Variants in ADAM33 observed in about 807,000 individuals in gnomAD.
ADAM33 encodes the protein ADAM metallopeptidase domain 33.
Under a neutral mutation model 106.2 loss-of-function variants are expected in ADAM33, and 103 were observed. That is an observed-to-expected ratio of 0.97 (90% CI 0.83 to 1.14). ADAM33 has a LOEUF of 1.14. Among genes scored for constraint, ADAM33 ranks in the 50% most tolerant of loss-of-function variants. The probability of loss-of-function intolerance (pLI) is 0.00; values close to 1 mark genes in which losing one functional copy is unlikely to be tolerated. For synonymous variants in ADAM33, 483 were observed against 453.0 expected, an observed-to-expected ratio of 1.07 and a Z score of -0.84; for missense variants, 1,120 against 1,096.6, an observed-to-expected ratio of 1.02 and a Z score of -0.30.
At chr20:3,676,690 C>T (rs1390653755) in intron 3 of ADAM33, among the ~76,000 whole-genome samples, 6 of 152,188 alleles carry the variant, frequency 3.9e-5, no homozygotes, top group African/African-American at 1.2e-4. Context: ...CCGCCCGCCT[C>T]GGCCTCCCAA....
chr20:3,681,972 G>C lies in ADAM33; in HGVS notation c.33C>G (p.Thr11=). The C allele has an allele frequency of 6.5e-7, 1 of 1,547,960 alleles. No individual in the cohort carries two copies. MGWRPRRARG[T]PLLLLLLLLL... ...GCAGTAGTAGCAGCAGCAGCAACGGGGTCCCCCGAGCTCTCCGGGGCCTCC... is the reference window on the plus strand; with the variant it reads ...GCAGTAGTAGCAGCAGCAGCAACGGCGTCCCCCGAGCTCTCCGGGGCCTCC... The change falls in exon 1 of 22, where the codon ACC becomes ACG. Residue 11 remains threonine, a synonymous_variant. Transcript: ENST00000356518.
In ADAM33 at chr20:3,671,007, C is replaced by A; in HGVS notation, c.2239G>T (p.Gly747Cys). 1 of 1,546,920 alleles carries A rather than the reference C, an allele frequency of 6.5e-7. No homozygotes were observed. Among genetic ancestry groups the A allele is most frequent in the South Asian group, 1.2e-5 (1 of 83,860 alleles). The change falls in exon 19 of 22, where the codon GGC (glycine) becomes TGC (cysteine). Residue 747 changes from glycine to cysteine, a missense_variant and splice_region_variant. Physicochemically the swap from Gly to Cys is radical, Grantham distance 159. Coordinates refer to ENST00000356518, the MANE Select transcript of ADAM33 (RefSeq NM_025220.5). ...AGGAAGCAGGCGCTCGGAGCCTACC[C>A]ACTGCACGCAGGGTCCCTTCTGCAG... ...WGCRRDPACSGPKDGPHRDHP... is the reference protein window; with the variant it reads ...WGCRRDPACSCPKDGPHRDHP...
At chr20:3,677,272 A>C in intron 2 of ADAM33, 129 bp from the exon 3 acceptor site, 1 of 684,398 alleles carries the variant, frequency 1.5e-6, no homozygotes, top group Non-Finnish European at 2.3e-6. Context: ...AGTCAGCAGG[A>C]CCCCCCACAT....
At chr20:3,677,588 G>C (rs768722226) in intron 2 of ADAM33, among the ~76,000 whole-genome samples, 2 of 152,202 alleles carry the variant, frequency 1.3e-5, no homozygotes, top group East Asian at 3.9e-4. Context: ...TTCCAAATGA[G>C]CTGCTGCTCA....
At position 3,668,850 on chromosome 20, in the gene ADAM33, C is replaced by T; in HGVS notation, c.*113G>A. 7.7e-7 allele frequency: 1 copy of T among 1,299,970 alleles called. No individual in the cohort carries two copies. Among genetic ancestry groups the T allele is most frequent in the South Asian group, 1.2e-5 (1 of 83,940 alleles). 80.5% of individuals were successfully genotyped at this position (1,299,970 alleles called of 1,614,324 possible). ...CTCGGGGAAGAAACTTCCAAGCTGC[C>T]TGCAGGTGCTGGAGGTCCGGTGATT... On this transcript the variant is annotated 3_prime_UTR_variant, in exon 22 of 22. Coordinates refer to ENST00000356518, the MANE Select transcript of ADAM33 (RefSeq NM_025220.5).
chr20:3,674,365 G>GA (rs1376438856), intron 6 of ADAM33, 81 bp from the exon 7 acceptor site: 2 of 1,605,952 alleles, frequency 1.2e-6, no homozygotes, highest in Admixed American at 1.7e-5. Context: ...CCAGAAGGAA[G>GA]TTTAACATGT....
In ADAM33 at chr20:3,675,382, T is replaced by C. The variant is rs563808045; in HGVS notation, c.255-277A>G. ...GAGGAGTGGGAATAGGGGAAGAGTT[T>C]GTGGTTCCCAGGGGACCTGCAGCAG... On this transcript the variant is annotated intron_variant, in intron 3 of 21. Coordinates refer to ENST00000356518, the MANE Select transcript of ADAM33 (RefSeq NM_025220.5). This position sits in a 1 kb window ranked among gnomAD's most constrained non-coding sequence, Gnocchi z 4.1. Among the ~76,000 whole-genome samples the C allele has an allele frequency of 6.6e-6, 1 of 152,168 alleles. No homozygotes were observed. Among genetic ancestry groups the C allele is most frequent in the East Asian group, 1.9e-4 (1 of 5,184 alleles).
rs1427961031 is a variant in ADAM33, at chr20:3,671,927, A to C, written c.1656T>G (p.His552Gln). 1 of 1,556,036 alleles carries C rather than the reference A, an allele frequency of 6.4e-7. No homozygotes were observed. Among genetic ancestry groups the C allele is most frequent in the African/African-American group, 1.4e-5 (1 of 73,540 alleles). The part of the protein sequence containing the change: ...FQVVNSAGDA[H>Q]GNCGQDSEGH... The stretch of plus-strand genomic sequence containing the variant: ...CCTCGCTGTCCTGGCCGCAGTTTCC[A>C]TGAGCATCTCCCGCAGAGTTCACCA... Residue 552 changes from histidine (H) to glutamine (Q), a missense_variant, in exon 15 of 22, where the codon CAT (histidine) becomes CAG (glutamine). Transcript: ENST00000356518.
In ADAM33 at chr20:3,679,476, G is replaced by A; in HGVS notation, c.177+16C>T. Reference sequence around the variant, plus strand: ...GTTCAGGGCCCCTGTGGAGGGCGGGGAGACATGGCACTGACCGGCTCCTCC... The same window carrying A: ...GTTCAGGGCCCCTGTGGAGGGCGGGAAGACATGGCACTGACCGGCTCCTCC... On this transcript the variant is annotated intron_variant, in intron 2 of 21. Coordinates refer to ENST00000356518, the MANE Select transcript of ADAM33 (RefSeq NM_025220.5). The A allele has an allele frequency of 6.2e-7, 1 of 1,600,214 alleles. No individual in the cohort carries two copies. Among genetic ancestry groups the A allele is most frequent in the Admixed American group, 1.7e-5 (1 of 58,300 alleles).
intron 1 of ADAM33, 135 bp downstream of exon 1, chr20:3,681,773 C>T: frequency 1.3e-5 from 17 of 1,338,042 alleles, no homozygotes; most frequent in Non-Finnish European, 1.7e-5. Flanking sequence ...GTCCCCACGC[C>T]CTGACCTACT....
intron 1 of ADAM33, among the ~76,000 whole-genome samples, 164 bp from the exon 2 acceptor site, chr20:3,679,735 C>T (rs953866256): frequency 6.6e-6 from 1 of 152,102 alleles, no homozygotes; most frequent in African/African-American, 2.4e-5. Flanking sequence ...GAAGGAGGGA[C>T]GCCCGTGGGC....
Position 3,671,082 on chromosome 20 carries a change from A to G in ADAM33, c.2164T>C (p.Trp722Arg), listed in dbSNP as rs953241749. The G allele has an allele frequency of 4.4e-6, 7 of 1,583,724 alleles. No individual in the cohort carries two copies. Among genetic ancestry groups the G allele is most frequent in the Non-Finnish European group, 6.0e-6 (7 of 1,164,954 alleles). Reference protein sequence around the residue: ...LPLLPGAGLAWCCYRLPGAHL... With the variant: ...LPLLPGAGLARCCYRLPGAHL... ...GCTCCTGGGAGTCGGTAGCAACACCAGGCCAGGCCGGCCCCTGGGAGCAGA... is the reference window on the plus strand; with the variant it reads ...GCTCCTGGGAGTCGGTAGCAACACCGGGCCAGGCCGGCCCCTGGGAGCAGA... Residue 722 changes from tryptophan (W) to arginine (R), a missense_variant, in exon 19 of 22, where the codon TGG becomes CGG. Trp to Arg is a moderately radical substitution (Grantham distance 101). Transcript: ENST00000356518.
At position 3,673,488 on chromosome 20, in the gene ADAM33, C is replaced by G. The variant is rs2087703222; in HGVS notation, c.999G>C (p.Ser333=). 7 of 1,526,994 alleles carry G rather than the reference C, an allele frequency of 4.6e-6. No homozygotes were observed. The highest frequency in any genetic ancestry group is 6.1e-6 in the Non-Finnish European group (7 of 1,143,898). 94.6% of individuals were successfully genotyped at this position (1,526,994 alleles called of 1,614,324 possible). A position where few individuals can be genotyped will look rare whatever the true frequency, so the allele number is the denominator to read the frequency against. ...ESSGGVSTDH[S]ELPIGAAATM... ...TGGCTGCGGCGCCGATGGGGAGCTC[C>G]GAGTGGTCCTGGGGGGCCGTGGGAG... Residue 333 remains serine (S), a synonymous_variant, in exon 11 of 22, where the codon TCG becomes TCC. Coordinates refer to ENST00000356518, the MANE Select transcript of ADAM33 (RefSeq NM_025220.5).
At chr20:3,676,881 G>A (rs1159515606) in intron 3 of ADAM33, among the ~76,000 whole-genome samples, 186 bp downstream of exon 3, 1 of 152,222 alleles carries the variant, frequency 6.6e-6, no homozygotes, top group Admixed American at 6.5e-5. Context: ...CCCCACAGCG[G>A]GGCTGACAGC....
rs370155996 is a variant in ADAM33, at chr20:3,674,120, G to A, written c.682C>T (p.Arg228Ter). 15 of 1,614,078 alleles carry A rather than the reference G, an allele frequency of 9.3e-6. No homozygotes were observed. In the East Asian group the frequency reaches 2.0e-4, roughly 22 times the overall value. Reference sequence around the variant, plus strand: ...CGCTGTTTGGTGTGGTTCAAGTTTCGGTGCCGAGTCAAGAACTGGGAAGGC... The same window carrying A: ...CGCTGTTTGGTGTGGTTCAAGTTTCAGTGCCGAGTCAAGAACTGGGAAGGC... ...ADHTLFLTRHRNLNHTKQRLL... is the reference protein window; with the variant it reads ...ADHTLFLTRH The change falls in exon 8 of 22, where the codon CGA (arginine) becomes TGA (stop). Residue 228 changes from arginine to a stop codon, truncating the protein, a stop_gained. Transcript: ENST00000356518. LOFTEE classifies it high-confidence loss of function.
In ADAM33 at chr20:3,674,634, C is replaced by G; in HGVS notation, c.470G>C (p.Gly157Ala). 1 of 1,612,840 alleles carries G rather than the reference C, an allele frequency of 6.2e-7. No homozygotes were observed. Among genetic ancestry groups the G allele is most frequent in the East Asian group, 2.2e-5 (1 of 44,874 alleles). Reference protein sequence around the residue: ...SYYLRPWPPRGSKDFSTHEIF... With the variant: ...SYYLRPWPPRASKDFSTHEIF... ...CTCGTGGGTTGAGAAGTCCTTGGAG[C>G]CCCGGGGTGGCCAGGGACGCAGATA... Residue 157 changes from glycine (G) to alanine (A), a missense_variant, in exon 6 of 22, where the codon GGC (glycine) becomes GCC (alanine). By Grantham distance (60) the Gly-to-Ala change is moderately conservative. Coordinates refer to ENST00000356518, the MANE Select transcript of ADAM33 (RefSeq NM_025220.5).
At position 3,677,111 on chromosome 20, in the gene ADAM33, C is replaced by T. The variant is rs2088037646; in HGVS notation, c.210G>A (p.Leu70=). Residue 70 remains leucine, a synonymous_variant, in exon 3 of 22, where the codon CTG becomes CTA. Transcript: ENST00000356518. ...GCAGGAGCTCCTGGCCTTCAGCCTCCAGGGCCACCAGCCCCATGTCTGGCT... is the reference window on the plus strand; with the variant it reads ...GCAGGAGCTCCTGGCCTTCAGCCTCTAGGGCCACCAGCCCCATGTCTGGCT... ...VSKPDMGLVA[L]EAEGQELLLE... 1.2e-6 allele frequency: 2 copies of T among 1,611,910 alleles called. No individual in the cohort carries two copies. The highest frequency in any genetic ancestry group is 1.7e-5 in the Admixed American group (1 of 59,880).
At position 3,681,284 on chromosome 20, in the gene ADAM33, C is replaced by T. The variant is rs556537; in HGVS notation, c.97+624G>A. 6.1e-3 allele frequency among the ~76,000 whole-genome samples: 923 copies of T among 152,328 alleles called. 1 individual carries two copies. Among genetic ancestry groups the T allele is most frequent in the Middle Eastern group, 0.01 (3 of 294 alleles). ...ACCCCGAGGAGACAGCTGCAGTCTT[C>T]CCAGAGCACTGCTAAACAGACACCT... On this transcript the variant is annotated intron_variant, in intron 1 of 21. Coordinates refer to ENST00000356518, the MANE Select transcript of ADAM33 (RefSeq NM_025220.5).
chr20:3,672,154 C>T lies in ADAM33; in HGVS notation c.1577G>A (p.Cys526Tyr). Reference sequence around the variant, plus strand: ...CTCACCAGGCCCCCAGAGCTGCTGGCACTGCTGCTCCAGCGTGGGACATGC... The same window carrying T: ...CTCACCAGGCCCCCAGAGCTGCTGGTACTGCTGCTCCAGCGTGGGACATGC... ...DGACPTLEQQCQQLWGPGSHP... is the reference protein window; with the variant it reads ...DGACPTLEQQYQQLWGPGSHP... Residue 526 changes from cysteine (C) to tyrosine (Y), a missense_variant, in exon 14 of 22, where the codon TGC becomes TAC. Physicochemically the swap from Cys to Tyr is radical, Grantham distance 194. Transcript: ENST00000356518. 2 of 1,611,978 alleles carry T rather than the reference C, an allele frequency of 1.2e-6. No homozygotes were observed. The highest frequency in any genetic ancestry group is 1.7e-6 in the Non-Finnish European group (2 of 1,179,208).
Sources: gnomAD v4.1 joint callset for allele counts (sites outside exome capture counted in the v4.1 genomes callset) on GRCh38, gnomAD v4.1.1 for gene constraint, Gnocchi (gnomAD v3.1) non-coding constraint, MANE v1.5 for transcripts, NCBI Gene and HGNC (gene_info 2026-07-23, HGNC 2026-07-21) for gene names.